KDM2A: variants seen among roughly 807,000 people sequenced by gnomAD.
KDM2A encodes the protein lysine demethylase 2A.
Under a neutral mutation model 137.3 loss-of-function variants are expected in KDM2A, and 3 were observed. The ratio of observed to expected loss-of-function variants is 0.02; its 90% CI spans 0.01 to 0.06. The LOEUF (loss-of-function observed/expected upper bound fraction) is 0.06. KDM2A is among the 10% of genes least tolerant of loss of function. The probability of loss-of-function intolerance (pLI) is 1.00; values close to 1 mark genes in which losing one functional copy is unlikely to be tolerated. For missense variants in KDM2A, 738 were observed against 1,510.6 expected (o/e 0.49, Z 8.48); for synonymous variants, 512 against 541.5 (o/e 0.95, Z 0.76).
chr11:67,121,284 T>A lies in KDM2A; in HGVS notation c.-33T>A. 6.2e-7 allele frequency: 1 copy of A among 1,606,518 alleles called. No individual in the cohort carries two copies. Among genetic ancestry groups the A allele is most frequent in the South Asian group, 1.1e-5 (1 of 90,854 alleles). The stretch of plus-strand genomic sequence containing the variant: ...AAGAGGAAGGCAGCCCTGGAGTGGT[T>A]TCTTTACAGTAATTTCAACAGAAGA... On this transcript the variant is annotated 5_prime_UTR_variant, in exon 2 of 21. Coordinates refer to ENST00000529006, the MANE Select transcript of KDM2A (RefSeq NM_012308.3).
Position 67,223,563 on chromosome 11 carries a change from TG to T in KDM2A, c.957+4162del, listed in dbSNP as rs1179980716. Among the ~76,000 whole-genome samples the T allele has an allele frequency of 2.0e-5, 3 of 151,950 alleles. No homozygotes were observed. The East Asian group carries it at 5.8e-4, about 29-fold the overall frequency. The stretch of plus-strand genomic sequence containing the variant: ...GACCACAGACGCACACCACCACACC[TG>T]GCTAGTTTTTTTATTTTTATTTTTT... On this transcript the variant is annotated intron_variant, in intron 10 of 20. Coordinates refer to ENST00000529006, the MANE Select transcript of KDM2A (RefSeq NM_012308.3).
chr11:67,155,790 A>G (rs549769225), intron 2 of KDM2A, among the ~76,000 whole-genome samples: 3 of 150,492 alleles, frequency 2.0e-5, no homozygotes, highest in African/African-American at 7.3e-5. Context: ...CTAATTTTGT[A>G]TTTTTAGTAT....
At chr11:67,123,491 T>G (rs1333629844) in intron 2 of KDM2A, among the ~76,000 whole-genome samples, 1 of 152,042 alleles carries the variant, frequency 6.6e-6, no homozygotes, top group Non-Finnish European at 1.5e-5. Context: ...TTATTTTTAT[T>G]TTTACATTTC....
intron 5 of KDM2A, among the ~76,000 whole-genome samples, chr11:67,203,804 TC>T (rs951295401): frequency 5.9e-5 from 9 of 151,440 alleles, no homozygotes; most frequent in African/African-American, 1.2e-4. Context: ...TTTTTTTTTT[TC>T]TTTTTTCTTT....
intron 2 of KDM2A, among the ~76,000 whole-genome samples, chr11:67,123,248 T>C (rs930290109): frequency 2.0e-5 from 3 of 149,812 alleles, no homozygotes; most frequent in African/African-American, 7.4e-5. Flanking sequence ...AGTGCTGGGA[T>C]TAACAAGCGT....
chr11:67,243,397 A>G (rs1241590152), intron 13 of KDM2A: 1 of 209,952 alleles, frequency 4.8e-6, no homozygotes, highest in African/African-American at 2.3e-5. Context: ...CTTCACAGAT[A>G]TGATTGAAAG....
chr11:67,153,921 G>A (rs1856457461), intron 2 of KDM2A, among the ~76,000 whole-genome samples: 1 of 151,060 alleles, frequency 6.6e-6, no homozygotes, highest in South Asian at 2.1e-4. Flanking sequence ...GTTGTTTTTG[G>A]CTGAGTTATT....
At position 67,254,119 on chromosome 11, in the gene KDM2A, G is replaced by A; in HGVS notation, c.3092-84G>A. On this transcript the variant is annotated intron_variant, in intron 19 of 20. Coordinates refer to ENST00000529006, the MANE Select transcript of KDM2A (RefSeq NM_012308.3). This position sits in a 1 kb window ranked among gnomAD's most constrained non-coding sequence, Gnocchi z 4.7. ...TAACCCCTTCAAGGGGGCCTGGCCA[G>A]CAAGTAGCTGTTGCTGCCTGGAGCC... The A allele has an allele frequency of 7.9e-7, 1 of 1,273,286 alleles. No homozygotes were observed. The highest frequency in any genetic ancestry group is 1.1e-6 in the Non-Finnish European group (1 of 913,526). The allele number at this position is 1,273,286 out of a possible 1,614,324, so 78.9% of individuals were successfully genotyped here. A position where few individuals can be genotyped will look rare whatever the true frequency, so the allele number is the denominator to read the frequency against.
At chr11:67,156,859 A>G (rs1856526862) in intron 2 of KDM2A, among the ~76,000 whole-genome samples, 1 of 152,032 alleles carries the variant, frequency 6.6e-6, no homozygotes, top group Non-Finnish European at 1.5e-5. Context: ...ACTGCACTTC[A>G]TCCAGCCTGC....
At position 67,231,925 on chromosome 11, in the gene KDM2A, A is replaced by G; in HGVS notation, c.1444A>G (p.Ile482Val). Residue 482 changes from isoleucine to valine, a missense_variant, in exon 12 of 21, where the codon ATA becomes GTA. Transcript: ENST00000529006. Reference sequence around the variant, plus strand: ...GCACAAGAAATGTGTCCCCACAGGGATAGAAGATGAAGATGCTCTCATTGC... The same window carrying G: ...GCACAAGAAATGTGTCCCCACAGGGGTAGAAGATGAAGATGCTCTCATTGC... ...PLHKKCVPTG[I>V]EDEDALIADV... 6.2e-7 allele frequency: 1 copy of G among 1,613,898 alleles called. No homozygotes were observed. The highest frequency in any genetic ancestry group is 1.1e-5 in the South Asian group (1 of 91,062).
At chr11:67,233,905 C>G (rs1344729689) in intron 12 of KDM2A, among the ~76,000 whole-genome samples, 2 of 152,140 alleles carry the variant, frequency 1.3e-5, no homozygotes, top group Non-Finnish European at 2.9e-5. Context: ...TGACTGCCAT[C>G]ACTGGCTAAG....
At chr11:67,170,656 G>A (rs1005865521) in intron 2 of KDM2A, among the ~76,000 whole-genome samples, 22 of 151,736 alleles carry the variant, frequency 1.4e-4, no homozygotes, top group South Asian at 2.1e-4. Context: ...CCAGTGATCC[G>A]CCCGCCTCAG....
At chr11:67,183,604 T>G (rs528010005) in intron 5 of KDM2A, among the ~76,000 whole-genome samples, 1 of 152,338 alleles carries the variant, frequency 6.6e-6, no homozygotes, top group East Asian at 1.9e-4. Flanking sequence ...GTACAGTTAA[T>G]TTCAGTCAGT....
chr11:67,170,546 G>A (rs1487656509), intron 2 of KDM2A, among the ~76,000 whole-genome samples: 1 of 151,468 alleles, frequency 6.6e-6, no homozygotes, highest in African/African-American at 2.4e-5. Flanking sequence ...CCGAGTAGCT[G>A]GGACTGCAGG....
intron 2 of KDM2A, among the ~76,000 whole-genome samples, chr11:67,158,867 G>A (rs1013844678): frequency 6.6e-6 from 1 of 151,816 alleles, no homozygotes; most frequent in Non-Finnish European, 1.5e-5. Context: ...TTATTGTGCT[G>A]GTTTTTTTAT....
At chr11:67,193,867 T>C (rs1857415287) in intron 5 of KDM2A, among the ~76,000 whole-genome samples, 1 of 152,082 alleles carries the variant, frequency 6.6e-6, no homozygotes, top group Non-Finnish European at 1.5e-5. Flanking sequence ...TCTCAATACA[T>C]ACATACATAC....
At chr11:67,219,501 T>C (rs1858269580) in intron 10 of KDM2A, 98 bp downstream of exon 10, 1 of 567,408 alleles carries the variant, frequency 1.8e-6, no homozygotes, top group Admixed American at 4.2e-5. Context: ...AACTTCCATT[T>C]TTCTTTCAGT....
intron 8 of KDM2A, among the ~76,000 whole-genome samples, chr11:67,216,466 T>C (rs1858163404): frequency 6.6e-6 from 1 of 152,242 alleles, no homozygotes. Context: ...TTCCAGCTTG[T>C]GAAAATGCTT....
chr11:67,245,177 T>G lies in KDM2A; in HGVS notation c.1564-12T>G, dbSNP rs1378914593. ...ACCTGATATATTTGACCTCACTGCT[T>G]TCTCTTTCCAGCTTAAATTCCCCAC... On this transcript the variant is annotated splice_polypyrimidine_tract_variant and intron_variant, in intron 13 of 20. Transcript: ENST00000529006. This position sits in a 1 kb window ranked among gnomAD's most constrained non-coding sequence, Gnocchi z 4.1. The G allele has an allele frequency of 6.2e-7, 1 of 1,611,482 alleles. No individual in the cohort carries two copies. The highest frequency in any genetic ancestry group is 8.5e-7 in the Non-Finnish European group (1 of 1,178,246).
Sources: allele counts gnomAD v4.1 joint callset (sites outside exome capture counted in the v4.1 genomes callset), GRCh38; gene constraint gnomAD v4.1.1; non-coding constraint Gnocchi (gnomAD v3.1); transcripts MANE v1.5; gene names NCBI Gene and HGNC (gene_info 2026-07-23, HGNC 2026-07-21).